ZBTB44: variants seen among roughly 807,000 people sequenced by gnomAD.
ZBTB44 encodes zinc finger and BTB domain containing 44, also known as zinc finger and BTB domain-containing protein 44.
In ZBTB44, 15 loss-of-function variants were observed where a neutral mutation model predicts 54.0. The ratio of observed to expected loss-of-function variants is 0.28; its 90% CI spans 0.19 to 0.43. ZBTB44 has a LOEUF of 0.43. Ranked by LOEUF, ZBTB44 falls within the 20% of genes least tolerant of loss-of-function variation. The pLI, the probability that ZBTB44 is intolerant of heterozygous loss-of-function variation, is 1.00. For synonymous variants in ZBTB44, 230 were observed against 250.1 expected (o/e 0.92, Z 0.76); for missense variants, 487 against 707.1 (o/e 0.69, Z 3.53).
At position 130,236,994 on chromosome 11, in the gene ZBTB44, C is replaced by T. The variant is rs373305671; in HGVS notation, c.1367G>A (p.Arg456Gln). The T allele has an allele frequency of 2.7e-5, 44 of 1,611,814 alleles. No individual in the cohort carries two copies. Among genetic ancestry groups the T allele is most frequent in the African/African-American group, 2.7e-5 (2 of 74,708 alleles). ...GAAAGTGGCACTACATATCTGGCAC[C>T]GGAAACAGCGTTTACCTTCATGCTT... ...RLKHEGKRCF[R>Q]CQICSATFTS... Residue 456 changes from arginine to glutamine, a missense_variant, in exon 5 of 8, where the codon CGG becomes CAG. By Grantham distance (43) the Arg-to-Gln change is conservative (BLOSUM62 1). Coordinates refer to ENST00000357899, the MANE Select transcript of ZBTB44 (RefSeq NM_001301098.2).
chr11:130,264,685 G>C (rs1469820187), intron 1 of ZBTB44, among the ~76,000 whole-genome samples: 4 of 152,138 alleles, frequency 2.6e-5, no homozygotes, highest in Non-Finnish European at 5.9e-5. Flanking sequence ...TTTATCACAT[G>C]CATTTCCCAA....
Position 130,261,367 on chromosome 11 carries a change from C to T in ZBTB44, c.507G>A (p.Val169=). Residue 169 remains valine, a synonymous_variant, in exon 2 of 8, where the codon GTG becomes GTA. Coordinates refer to ENST00000357899, the MANE Select transcript of ZBTB44 (RefSeq NM_001301098.2). This position sits in a 1 kb window ranked among gnomAD's most constrained non-coding sequence, Gnocchi z 4.8. ...GGCAGACAGGAATGGTTCTTTCTAC[C>T]ACACTGCACTCTGAGGACACGGGAG... is the stretch of plus-strand genomic sequence containing the variant. The part of the protein sequence containing the change: ...SISPVSSECS[V]VERTIPVCRE... 1 of 1,613,900 alleles carries T rather than the reference C, an allele frequency of 6.2e-7. No individual in the cohort carries two copies. The highest frequency in any genetic ancestry group is 8.5e-7 in the Non-Finnish European group (1 of 1,179,880).
intron 1 of ZBTB44, among the ~76,000 whole-genome samples, chr11:130,286,220 G>T (rs578178203): frequency 6.6e-6 from 1 of 152,284 alleles, no homozygotes; most frequent in South Asian, 2.1e-4. Flanking sequence ...ATTAAAAGCT[G>T]AGTCCTTAGC....
At chr11:130,287,952 A>C (rs1412248468) in intron 1 of ZBTB44, among the ~76,000 whole-genome samples, 1 of 151,438 alleles carries the variant, frequency 6.6e-6, no homozygotes, top group Admixed American at 6.6e-5. Flanking sequence ...TCAAGAAACT[A>C]AATTTTCTCA....
At chr11:130,301,649 G>A (rs1277668693) in intron 1 of ZBTB44, among the ~76,000 whole-genome samples, 3 of 152,088 alleles carry the variant, frequency 2.0e-5, no homozygotes, top group Non-Finnish European at 2.9e-5. Flanking sequence ...GGGCAATTGA[G>A]CCAGATTCTG....
intron 1 of ZBTB44, among the ~76,000 whole-genome samples, chr11:130,300,283 T>G (rs1941919870): frequency 6.6e-6 from 1 of 152,182 alleles, no homozygotes; most frequent in South Asian, 2.1e-4. Context: ...GCCACTGAAC[T>G]GTACCCTTAA....
chr11:130,254,744 T>A (rs1394998116), intron 2 of ZBTB44, among the ~76,000 whole-genome samples: 1 of 152,226 alleles, frequency 6.6e-6, no homozygotes, highest in Non-Finnish European at 1.5e-5. Context: ...CAAAGGATTA[T>A]AAATCATGCT....
At chr11:130,284,271 C>A (rs949358390) in intron 1 of ZBTB44, among the ~76,000 whole-genome samples, 1 of 152,106 alleles carries the variant, frequency 6.6e-6, no homozygotes, top group Non-Finnish European at 1.5e-5. Context: ...ATAGGCAATA[C>A]GGACAAACAA....
intron 5 of ZBTB44, chr11:130,236,287 A>G: frequency 8.0e-7 from 1 of 1,254,564 alleles, no homozygotes; most frequent in Non-Finnish European, 1.0e-6. Flanking sequence ...GAATGAAAAT[A>G]GCAATGACTT....
chr11:130,302,480 G>C (rs1457050538), intron 1 of ZBTB44, among the ~76,000 whole-genome samples: 3 of 152,148 alleles, frequency 2.0e-5, no homozygotes, highest in Non-Finnish European at 4.4e-5. Flanking sequence ...AGCATGTGAA[G>C]TGCACCAAAG....
chr11:130,278,738 A>G (rs747973974), intron 1 of ZBTB44, among the ~76,000 whole-genome samples: 8 of 151,882 alleles, frequency 5.3e-5, no homozygotes, highest in Non-Finnish European at 1.2e-4. Flanking sequence ...TCGGTTAATT[A>G]TTTTTTTCAA....
intron 1 of ZBTB44, among the ~76,000 whole-genome samples, chr11:130,279,138 T>A (rs937829916): frequency 1.3e-5 from 2 of 152,148 alleles, no homozygotes; most frequent in African/African-American, 4.8e-5. Context: ...CGAATTATTT[T>A]AGCAAAGTCT....
At chr11:130,256,250 C>T (rs11820199) in intron 2 of ZBTB44, among the ~76,000 whole-genome samples, 3,155 of 152,282 alleles carry the variant, frequency 0.021, 88 homozygotes, top group African/African-American at 0.063. Context: ...CCACCAGGAT[C>T]GAGTTGGCTT....
intron 2 of ZBTB44, among the ~76,000 whole-genome samples, chr11:130,247,090 G>A (rs1350455694): frequency 2.0e-5 from 3 of 152,158 alleles, no homozygotes; most frequent in Admixed American, 1.3e-4. Flanking sequence ...CTAATGGAGA[G>A]TAAGCATCCC....
chr11:130,290,788 C>T (rs368278199), intron 1 of ZBTB44, among the ~76,000 whole-genome samples: 18 of 152,318 alleles, frequency 1.2e-4, no homozygotes, highest in Middle Eastern at 3.4e-3. Context: ...CTATTATTAT[C>T]TCCCATTACA....
At chr11:130,258,565 A>G (rs2136416357) in intron 2 of ZBTB44, among the ~76,000 whole-genome samples, 1 of 152,322 alleles carries the variant, frequency 6.6e-6, no homozygotes, top group African/African-American at 2.4e-5. Flanking sequence ...TGTGGCAGAC[A>G]CTGCTAGTTG....
intron 2 of ZBTB44, among the ~76,000 whole-genome samples, chr11:130,248,860 T>C (rs962899570): frequency 6.6e-6 from 1 of 152,064 alleles, no homozygotes; most frequent in Non-Finnish European, 1.5e-5. Flanking sequence ...TCCCAGCACT[T>C]TGGGAGGCTG....
At chr11:130,277,617 T>C (rs753997902) in intron 1 of ZBTB44, among the ~76,000 whole-genome samples, 15 of 152,312 alleles carry the variant, frequency 9.8e-5, no homozygotes, top group Admixed American at 2.0e-4. Flanking sequence ...ACATATAAAA[T>C]AGCTTGCTTT....
At chr11:130,293,711 A>G (rs113534188) in intron 1 of ZBTB44, among the ~76,000 whole-genome samples, 9,449 of 151,896 alleles carry the variant, frequency 0.062, 730 homozygotes, top group African/African-American at 0.18. Flanking sequence ...CAGGAGAATC[A>G]GTTGAACCTG....
Sources: gnomAD v4.1 joint callset for allele counts (sites outside exome capture counted in the v4.1 genomes callset) on GRCh38, gnomAD v4.1.1 for gene constraint, Gnocchi (gnomAD v3.1) non-coding constraint, MANE v1.5 for transcripts, NCBI Gene and HGNC (gene_info 2026-07-23, HGNC 2026-07-21) for gene names.